Variants in ROBO1 observed in about 807,000 individuals in gnomAD.
ROBO1 encodes the protein roundabout homolog 1.
A neutral mutation model predicts 195.9 loss-of-function variants in ROBO1; 149 were observed. The observed-to-expected ratio is 0.76, with a 90% CI of 0.67 to 0.87. ROBO1 has a LOEUF of 0.87. ROBO1 is among the 40% of genes least tolerant of loss of function. ROBO1 has a pLI of 0.00. For synonymous variants in ROBO1, 816 were observed against 733.2 expected, an observed-to-expected ratio of 1.11 and a Z score of -1.82; for missense variants, 1,933 against 2,068.3, an observed-to-expected ratio of 0.93 and a Z score of 1.27.
At chr3:79,622,508 G>C (rs1271249853) in intron 1 of ROBO1, among the ~76,000 whole-genome samples, 1 of 152,336 alleles carries the variant, frequency 6.6e-6, no homozygotes, top group African/African-American at 2.4e-5. Flanking sequence ...AGCCAGGAAG[G>C]CTGGATGGCT....
chr3:79,259,267 C>T (rs1200967738), intron 2 of ROBO1, among the ~76,000 whole-genome samples: 1 of 152,060 alleles, frequency 6.6e-6, no homozygotes, highest in African/African-American at 2.4e-5. Context: ...ACTTCAGCCT[C>T]CCCAGCAGCT....
At chr3:78,829,116 G>A (rs908034457) in intron 4 of ROBO1, among the ~76,000 whole-genome samples, 4 of 152,124 alleles carry the variant, frequency 2.6e-5, no homozygotes, top group Non-Finnish European at 4.4e-5. Context: ...TTTTAGTCAT[G>A]TAATAAAAAC....
chr3:79,054,637 C>T (rs111661601), intron 3 of ROBO1, among the ~76,000 whole-genome samples: 2 of 152,080 alleles, frequency 1.3e-5, no homozygotes, highest in African/African-American at 4.8e-5. Flanking sequence ...CTTGGTCATA[C>T]TCGTAAAAAT....
In ROBO1 at chr3:78,750,823, T is replaced by C. The variant is rs138316882; in HGVS notation, c.500-3923A>G. ...GAATGGGCAGAGATCTTTGACAACA[T>C]ATAATCAATCCCATAAACAGAGACA... On this transcript the variant is annotated intron_variant, in intron 4 of 30. Coordinates refer to ENST00000464233, the MANE Select transcript of ROBO1 (RefSeq NM_002941.4). 2.7e-3 allele frequency among the ~76,000 whole-genome samples: 418 copies of C among 152,262 alleles called. 2 individuals are homozygous for C. Among genetic ancestry groups the C allele is most frequent in the African/African-American group, 9.7e-3 (403 of 41,550 alleles).
intron 2 of ROBO1, among the ~76,000 whole-genome samples, chr3:79,376,613 T>C (rs566343556): frequency 6.6e-6 from 1 of 152,162 alleles, no homozygotes; most frequent in South Asian, 2.1e-4. Context: ...CACGCTTTCT[T>C]GCCTGCCACC....
At chr3:79,530,888 C>A (rs912245422) in intron 2 of ROBO1, among the ~76,000 whole-genome samples, 3 of 151,832 alleles carry the variant, frequency 2.0e-5, no homozygotes, top group East Asian at 1.9e-4. Context: ...CATGATCTGT[C>A]CCCAGTTATT....
At chr3:79,333,944 C>A (rs765671384) in intron 2 of ROBO1, among the ~76,000 whole-genome samples, 27 of 152,118 alleles carry the variant, frequency 1.8e-4, no homozygotes, top group Non-Finnish European at 2.8e-4. Context: ...ACCAGATTGG[C>A]ACAAAACTCT....
chr3:78,607,212 T>G, intron 28 of ROBO1, 171 bp from the exon 29 acceptor site: 1 of 608,028 alleles, frequency 1.6e-6, no homozygotes. Context: ...AAATTTATGT[T>G]TATTTATTTA....
At chr3:79,593,970 A>C (rs1224030120) in intron 1 of ROBO1, among the ~76,000 whole-genome samples, 2 of 151,838 alleles carry the variant, frequency 1.3e-5, no homozygotes, top group African/African-American at 4.8e-5. Context: ...TTTATCAGAT[A>C]TGTCTTTCAC....
At chr3:79,106,934 G>A (rs13070613) in intron 3 of ROBO1, among the ~76,000 whole-genome samples, 6 of 151,428 alleles carry the variant, frequency 4.0e-5, no homozygotes, top group African/African-American at 1.2e-4. Context: ...ATCTATCTCC[G>A]CTCATTGTGT....
chr3:79,061,317 G>A (rs2078913013), intron 3 of ROBO1, among the ~76,000 whole-genome samples: 1 of 151,996 alleles, frequency 6.6e-6, no homozygotes, highest in South Asian at 2.1e-4. Flanking sequence ...CCTCTTCAAG[G>A]AGAACTATAA....
At chr3:79,700,423 G>A (rs113209012) in intron 1 of ROBO1, among the ~76,000 whole-genome samples, 77 of 151,250 alleles carry the variant, frequency 5.1e-4, no homozygotes, top group African/African-American at 1.1e-3. Context: ...TGATAGTTCC[G>A]TTTCAAGTTA....
Position 78,717,192 on chromosome 3 carries a change from A to C in ROBO1, c.917+83T>G, listed in dbSNP as rs923683624. On this transcript the variant is annotated intron_variant, in intron 7 of 30. Coordinates refer to ENST00000464233, the MANE Select transcript of ROBO1 (RefSeq NM_002941.4). ...AGAGGATTCTAGAATGGACTATTCT[A>C]ATGGCCCGGATGTGGAGATGATGTG... is the stretch of plus-strand genomic sequence containing the variant. The C allele has an allele frequency of 7.1e-6, 10 of 1,409,494 alleles. No homozygotes were observed. The Admixed American group carries it at 7.3e-5, about 10-fold the overall frequency. 87.3% of individuals were successfully genotyped at this position (1,409,494 alleles called of 1,614,324 possible).
chr3:79,632,342 G>A lies in ROBO1; in HGVS notation c.-50-42381C>T, dbSNP rs72909961. 6.6e-3 allele frequency among the ~76,000 whole-genome samples: 1,005 copies of A among 152,230 alleles called. 10 individuals are homozygous for A. The highest frequency in any genetic ancestry group is 0.023 in the African/African-American group (946 of 41,546). ...TGGCTTTTGCAGCAATAAGGATGGA[G>A]CTGGTGGTCATTATCCTAAATGAAT... On this transcript the variant is annotated intron_variant, in intron 1 of 30. Transcript: ENST00000464233.
intron 3 of ROBO1, among the ~76,000 whole-genome samples, chr3:79,044,097 T>C (rs946063274): frequency 7.4e-6 from 1 of 134,920 alleles, no homozygotes; most frequent in Non-Finnish European, 1.6e-5. Context: ...ACACAAAAAA[T>C]ACACTAACAG....
At chr3:79,232,134 T>C (rs1455110675) in intron 2 of ROBO1, among the ~76,000 whole-genome samples, 1 of 151,856 alleles carries the variant, frequency 6.6e-6, no homozygotes, top group Non-Finnish European at 1.5e-5. Flanking sequence ...TGAAATAATC[T>C]GTACATCAAA....
At chr3:79,022,883 C>T (rs777574172) in intron 3 of ROBO1, among the ~76,000 whole-genome samples, 6 of 152,098 alleles carry the variant, frequency 3.9e-5, no homozygotes, top group Admixed American at 6.5e-5. Context: ...GGCTTTTTGA[C>T]GGTCAAAATT....
At chr3:79,640,264 T>G (rs1483241565) in intron 1 of ROBO1, among the ~76,000 whole-genome samples, 2 of 152,100 alleles carry the variant, frequency 1.3e-5, no homozygotes, top group Non-Finnish European at 2.9e-5. Flanking sequence ...CATTTTTGAG[T>G]GTAATAATTA....
chr3:79,214,751 G>A (rs1559740554), intron 2 of ROBO1, among the ~76,000 whole-genome samples: 1 of 146,434 alleles, frequency 6.8e-6, no homozygotes, highest in African/African-American at 2.5e-5. Flanking sequence ...TATATAGCAT[G>A]TATATATATA....
Sources: allele counts gnomAD v4.1 joint callset (sites outside exome capture counted in the v4.1 genomes callset), GRCh38; gene constraint gnomAD v4.1.1; transcripts MANE v1.5; gene names NCBI Gene and HGNC (gene_info 2026-07-23, HGNC 2026-07-21).